Variants in NFATC3 observed in about 807,000 individuals in gnomAD.
NFATC3 encodes the protein nuclear factor of activated T cells 3, also known as nuclear factor of activated T-cells, cytoplasmic 3.
A neutral mutation model predicts 98.6 loss-of-function variants in NFATC3; 46 were observed. That is an observed-to-expected ratio of 0.47 (90% CI 0.37 to 0.60). The LOEUF is 0.60. Ranked by LOEUF, NFATC3 falls within the 20% of genes least tolerant of loss-of-function variation. The probability of loss-of-function intolerance (pLI) is 0.00; values close to 1 mark genes in which losing one functional copy is unlikely to be tolerated. For missense variants in NFATC3, 1,256 were observed against 1,295.5 expected (o/e 0.97, Z 0.47); for synonymous variants, 512 against 472.2 (o/e 1.08, Z -1.09).
chr16:68,169,378 C>A (rs2039356673), intron 5 of NFATC3, among the ~76,000 whole-genome samples: 1 of 152,152 alleles, frequency 6.6e-6, no homozygotes, highest in African/African-American at 2.4e-5. Context: ...AAGCAATCCT[C>A]CCACCTCAGC....
chr16:68,186,156 A>AT (rs1469632493), intron 8 of NFATC3, among the ~76,000 whole-genome samples: 3 of 151,322 alleles, frequency 2.0e-5, no homozygotes, highest in Non-Finnish European at 4.4e-5. Flanking sequence ...AGCTTTTTTC[A>AT]TTTTTTTCTA....
chr16:68,149,235 G>C (rs1230008309), intron 3 of NFATC3, among the ~76,000 whole-genome samples: 1 of 152,162 alleles, frequency 6.6e-6, no homozygotes, highest in Non-Finnish European at 1.5e-5. Context: ...ATACTGAAGA[G>C]TGAGACCTCT....
In NFATC3 at chr16:68,215,722, C is replaced by CTTT. The variant is rs35024337; in HGVS notation, c.3107-10607_3107-10605dup. Among the ~76,000 whole-genome samples, 116 of 96,030 alleles carry CTTT rather than the reference C, an allele frequency of 1.2e-3. 4 individuals carry two copies. Among genetic ancestry groups the CTTT allele is most frequent in the African/African-American group, 3.2e-3 (72 of 22,730 alleles). The allele number at this position is 96,030 out of a possible 152,430, so 63.0% of individuals were successfully genotyped here. On this transcript the variant is annotated intron_variant, in intron 9 of 9. Transcript: ENST00000346183. ...CTTCTTTGAGATAGAGAGATTTGCA[C>CTTT]TTTTTTTTTTTTTTTTTTTTTTTGA...
At chr16:68,222,896 C>T (rs56403339) in intron 9 of NFATC3, among the ~76,000 whole-genome samples, 1,993 of 152,280 alleles carry the variant, frequency 0.013, 43 homozygotes, top group African/African-American at 0.045. Flanking sequence ...TAGCACAAGA[C>T]TAGCTCGTAG....
At chr16:68,168,548 C>T (rs574477303) in intron 5 of NFATC3, among the ~76,000 whole-genome samples, 5 of 151,202 alleles carry the variant, frequency 3.3e-5, no homozygotes, top group South Asian at 4.2e-4. Context: ...TGCAATGGCA[C>T]GATCTTGGCT....
chr16:68,152,209 C>CA (rs769742861), intron 3 of NFATC3, among the ~76,000 whole-genome samples: 1,560 of 103,438 alleles, frequency 0.015, 29 homozygotes, highest in East Asian at 0.077. Flanking sequence ...CTAAAGATAC[C>CA]AAAAAAAAAA....
chr16:68,171,640 A>AT (rs2075379056), intron 5 of NFATC3, among the ~76,000 whole-genome samples: 2 of 151,504 alleles, frequency 1.3e-5, no homozygotes, highest in Non-Finnish European at 2.9e-5. Context: ...TGCCCGACTA[A>AT]TTTTTTTATT....
At chr16:68,216,552 G>A (rs1210259557) in intron 9 of NFATC3, among the ~76,000 whole-genome samples, 1 of 147,340 alleles carries the variant, frequency 6.8e-6, no homozygotes, top group Non-Finnish European at 1.5e-5. Flanking sequence ...TTTTCTTTTT[G>A]AGACAGTCTC....
At chr16:68,185,278 A>G (rs1039573855) in intron 8 of NFATC3, among the ~76,000 whole-genome samples, 1 of 152,018 alleles carries the variant, frequency 6.6e-6, no homozygotes, top group South Asian at 2.1e-4. Flanking sequence ...CGCCTGGCCC[A>G]GGGGTTTAAT....
chr16:68,214,885 T>G (rs375651627), intron 9 of NFATC3, among the ~76,000 whole-genome samples: 90 of 152,272 alleles, frequency 5.9e-4, no homozygotes, highest in African/African-American at 1.8e-3. Context: ...TGGGCCCATG[T>G]TTGCACTTCC....
chr16:68,160,872 A>G (rs964570003), intron 4 of NFATC3, among the ~76,000 whole-genome samples: 1 of 152,106 alleles, frequency 6.6e-6, no homozygotes, highest in East Asian at 1.9e-4. Context: ...TTTAGTAGAG[A>G]CAGGGTTTTG....
intron 9 of NFATC3, among the ~76,000 whole-genome samples, chr16:68,193,272 G>A (rs1345195236): frequency 6.6e-6 from 1 of 151,954 alleles, no homozygotes; most frequent in African/African-American, 2.4e-5. Context: ...TGGTATGGGG[G>A]GGTTGTATGG....
intron 9 of NFATC3, among the ~76,000 whole-genome samples, chr16:68,222,289 CAAAAAAAAAAAAAAAAAAAAAAAA>C (rs58981935): frequency 2.3e-4 from 6 of 26,418 alleles, no homozygotes; most frequent in South Asian, 4.2e-3. Flanking sequence ...ACCCCATTGC[CAAAAAAAAAAAAAAAAAAAAAAAA>C]AAAAAAAAAA....
At chr16:68,172,022 G>A (rs749609510) in intron 5 of NFATC3, among the ~76,000 whole-genome samples, 27 of 151,986 alleles carry the variant, frequency 1.8e-4, no homozygotes, top group Middle Eastern at 3.4e-3. Context: ...CTAAGTAACA[G>A]CAAAAGTGTG....
At chr16:68,111,757 A>G (rs9936707) in intron 1 of NFATC3, among the ~76,000 whole-genome samples, 9,103 of 152,218 alleles carry the variant, frequency 0.06, 895 homozygotes, top group African/African-American at 0.2. Context: ...GTAGTGGCTG[A>G]TAATGGTTTT....
rs2034563869 is a variant in NFATC3, at chr16:68,089,150, T to C, written c.103+3366T>C. ...TACATCTCTGAAGGTTTGGGAGTAC[T>C]TGTATCACAACTAAATTTCCATACA... On this transcript the variant is annotated intron_variant, in intron 1 of 9. Coordinates refer to ENST00000346183, the MANE Select transcript of NFATC3 (RefSeq NM_173165.3). 3 of 985,314 alleles carry C rather than the reference T, an allele frequency of 3.0e-6. No individual in the cohort carries two copies. The African/African-American group carries it at 5.2e-5, about 17-fold the overall frequency. The allele number at this position is 985,314 out of a possible 1,614,324, so 61.0% of individuals were successfully genotyped here.
Position 68,229,182 on chromosome 16 carries a change from T to G in NFATC3, c.*2711T>G, listed in dbSNP as rs1407504915. 4 of 152,216 alleles carry G rather than the reference T, an allele frequency of 2.6e-5. No homozygotes were observed. The highest frequency in any genetic ancestry group is 9.6e-5 in the African/African-American group (4 of 41,456). 9.4% of individuals were successfully genotyped at this position (152,216 alleles called of 1,614,324 possible). A position where few individuals can be genotyped will look rare whatever the true frequency, so the allele number is the denominator to read the frequency against. ...GGGAGTGCAGTGCTCCTTACACAAA[T>G]ACAAAGGGAAGAAGAGCCAGCAGTT... On this transcript the variant is annotated 3_prime_UTR_variant, in exon 10 of 10. Coordinates refer to ENST00000346183, the MANE Select transcript of NFATC3 (RefSeq NM_173165.3).
rs543396061 is a variant in NFATC3, at chr16:68,163,505, A to C, written c.1602-3338A>C. 2.8e-5 allele frequency among the ~76,000 whole-genome samples: 4 copies of C among 144,598 alleles called. No individual in the cohort carries two copies. The South Asian group carries it at 6.6e-4, about 24-fold the overall frequency. The allele number at this position is 144,598 out of a possible 152,430, so 94.9% of individuals were successfully genotyped here. A position where few individuals can be genotyped will look rare whatever the true frequency, so the allele number is the denominator to read the frequency against. The stretch of plus-strand genomic sequence containing the variant: ...GGCTGGGCGGGGGGCTGACCCCCCC[A>C]CTTCCCTCCCGGACGGGGCGGCTGG... On this transcript the variant is annotated intron_variant, in intron 4 of 9. Transcript: ENST00000346183.
At chr16:68,174,334 AT>A (rs769540751) in intron 5 of NFATC3, 39 bp from the exon 6 acceptor site, 1,236 of 1,359,246 alleles carry the variant, frequency 9.1e-4, no homozygotes, top group Admixed American at 1.0e-3. Flanking sequence ...TTTAACTAAT[AT>A]TTTGTTTTTT....
Sources: gnomAD v4.1 joint callset for allele counts (sites outside exome capture counted in the v4.1 genomes callset) on GRCh38, gnomAD v4.1.1 for gene constraint, MANE v1.5 for transcripts, NCBI Gene and HGNC (gene_info 2026-07-23, HGNC 2026-07-21) for gene names.